Variants in OPRM1 observed in about 807,000 individuals in gnomAD.
OPRM1 encodes the protein mu-type opioid receptor.
OPRM1 carries 27 observed loss-of-function variants against 31.8 expected under a neutral mutation model. The observed-to-expected ratio is 0.85, with a 90% CI of 0.63 to 1.17. The LOEUF (loss-of-function observed/expected upper bound fraction) is 1.17, where lower values mean the gene tolerates loss of function less well. Ranked by LOEUF, OPRM1 falls within the 50% of genes most tolerant of loss-of-function variation. The pLI is 0.00. For synonymous variants in OPRM1, 196 were observed against 189.9 expected, an observed-to-expected ratio of 1.03 and a Z score of -0.26; for missense variants, 536 against 511.1, an observed-to-expected ratio of 1.05 and a Z score of -0.47.
intron 3 of OPRM1, among the ~76,000 whole-genome samples, chr6:154,207,388 C>T (rs1371359612): frequency 1.3e-5 from 2 of 152,158 alleles, no homozygotes; most frequent in African/African-American, 4.8e-5. Context: ...TATATATAGT[C>T]ACTGAGAATT....
downstream of OPRM1, among the ~76,000 whole-genome samples, chr6:154,133,799 G>A (rs564968720): frequency 1.1e-4 from 17 of 152,258 alleles, no homozygotes; most frequent in African/African-American, 3.6e-4. Flanking sequence ...ATCTAGCAGC[G>A]TAAGCCCTCC....
intron 3 of OPRM1, among the ~76,000 whole-genome samples, chr6:154,101,956 T>C (rs1005099445): frequency 1.3e-5 from 2 of 152,186 alleles, no homozygotes; most frequent in African/African-American, 4.8e-5. Context: ...TTTATTTTTT[T>C]GGAGACAGGA....
At chr6:154,100,902 A>G (rs1464763401) in intron 3 of OPRM1, among the ~76,000 whole-genome samples, 2 of 148,400 alleles carry the variant, frequency 1.3e-5, no homozygotes, top group East Asian at 3.9e-4. Flanking sequence ...TGTATATATA[A>G]TCCAGGATTC....
At chr6:154,042,448 T>C (rs1780269624) in intron 1 of OPRM1, among the ~76,000 whole-genome samples, 1 of 152,200 alleles carries the variant, frequency 6.6e-6, no homozygotes, top group Admixed American at 6.5e-5. Context: ...TATTGAATGA[T>C]CAAGTAGTTG....
chr6:154,012,814 C>T (rs917543361), intron 1 of OPRM1, among the ~76,000 whole-genome samples: 4 of 152,006 alleles, frequency 2.6e-5, no homozygotes, highest in African/African-American at 7.2e-5. Context: ...TTCTGGTGAG[C>T]GCTTTCTTCC....
At chr6:154,219,558 G>A (rs1457182102) in intron 3 of OPRM1, among the ~76,000 whole-genome samples, 3 of 152,074 alleles carry the variant, frequency 2.0e-5, no homozygotes, top group South Asian at 2.1e-4. Flanking sequence ...AAGTGCTAGC[G>A]GGCGAGACCT....
At chr6:154,227,973 G>C (rs1779395667) in intron 3 of OPRM1, among the ~76,000 whole-genome samples, 1 of 120,858 alleles carries the variant, frequency 8.3e-6, no homozygotes, top group South Asian at 3.5e-4. Flanking sequence ...AATGGTCCTT[G>C]CTTATTTGAC....
At chr6:154,109,675 G>A (rs1005823099) in intron 3 of OPRM1, among the ~76,000 whole-genome samples, 7 of 152,120 alleles carry the variant, frequency 4.6e-5, no homozygotes, top group Admixed American at 4.6e-4. Context: ...CTATAGACAA[G>A]TGTTAGGAAA....
Position 154,109,792 on chromosome 6 carries a change from C to CTCTCTCTCTGTG in OPRM1, c.1165-8890_1165-8889insCTCTCTCTGTGT, listed in dbSNP as rs1358444421. The stretch of plus-strand genomic sequence containing the variant: ...CCTCTCTCTCTCTCTCTCTCTCTCT[C>CTCTCTCTCTGTG]TGTGTGTGTGTGTGTGTGTGTGTGT... On this transcript the variant is annotated intron_variant, in intron 3 of 3. Transcript: ENST00000330432. 1.4e-3 allele frequency among the ~76,000 whole-genome samples: 143 copies of CTCTCTCTCTGTG among 101,262 alleles called. 1 individual carries two copies. Among genetic ancestry groups the CTCTCTCTCTGTG allele is most frequent in the African/African-American group, 5.0e-3 (131 of 26,308 alleles). The allele number at this position is 101,262 out of a possible 152,430, so 66.4% of individuals were successfully genotyped here.
chr6:154,095,608 C>T (rs1050197662), intron 3 of OPRM1, among the ~76,000 whole-genome samples: 3 of 152,110 alleles, frequency 2.0e-5, no homozygotes, highest in Non-Finnish European at 4.4e-5. Flanking sequence ...ATTTCTAACG[C>T]GTACTTTTGA....
At chr6:154,024,611 A>C (rs965255855) in intron 1 of OPRM1, among the ~76,000 whole-genome samples, 89 of 143,108 alleles carry the variant, frequency 6.2e-4, no homozygotes, top group Non-Finnish European at 4.0e-4. Flanking sequence ...TTGTTTTCCT[A>C]ATTCTTTAAG....
chr6:154,100,325 C>A (rs1312060990), intron 3 of OPRM1, among the ~76,000 whole-genome samples: 3 of 144,498 alleles, frequency 2.1e-5, no homozygotes, highest in Non-Finnish European at 4.5e-5. Context: ...TCATGCAAGC[C>A]CAGTCATCCC....
chr6:154,175,709 C>A (rs1800265436), intron 3 of OPRM1, among the ~76,000 whole-genome samples: 1 of 152,130 alleles, frequency 6.6e-6, no homozygotes, highest in Non-Finnish European at 1.5e-5. Flanking sequence ...AAATCCAGGA[C>A]CAGATGGATT....
rs531880062 is a variant in OPRM1 at position 154,130,926 on chromosome 6, A to T, written c.*12205A>T. Reference sequence around the variant, plus strand: ...TTATGAAAATGTAAAACAATGAGTGATCTTGTTGTTTTCATTTTATTATGT... The same window carrying T: ...TTATGAAAATGTAAAACAATGAGTGTTCTTGTTGTTTTCATTTTATTATGT... On this transcript the variant is annotated 3_prime_UTR_variant, in exon 4 of 4. Transcript: ENST00000330432. Among the ~76,000 whole-genome samples, 14 of 152,230 alleles carry T rather than the reference A, an allele frequency of 9.2e-5. No homozygotes were observed. The East Asian group carries it at 2.5e-3, about 27-fold the overall frequency.
chr6:154,176,088 T>C (rs1257102725), intron 3 of OPRM1, among the ~76,000 whole-genome samples: 1 of 152,180 alleles, frequency 6.6e-6, no homozygotes, highest in Non-Finnish European at 1.5e-5. Context: ...ATTATGTCAA[T>C]AGATGCAGAA....
chr6:154,169,191 T>A (rs1235228276), intron 3 of OPRM1, among the ~76,000 whole-genome samples: 1 of 151,972 alleles, frequency 6.6e-6, no homozygotes, highest in Non-Finnish European at 1.5e-5. Context: ...TAAAACCCGT[T>A]GTCTACTAAA....
chr6:154,201,069 C>T (rs1191828419), intron 3 of OPRM1, among the ~76,000 whole-genome samples: 1 of 152,170 alleles, frequency 6.6e-6, no homozygotes, highest in Non-Finnish European at 1.5e-5. Context: ...CTCACTCTTT[C>T]TGCTGCCACC....
chr6:154,214,119 G>T, intron 3 of OPRM1: 1 of 811,356 alleles, frequency 1.2e-6, no homozygotes, highest in South Asian at 1.4e-5. Flanking sequence ...TGTTTCCTCA[G>T]GATCAGACTA....
chr6:154,222,280 C>T (rs1382506852), intron 3 of OPRM1, among the ~76,000 whole-genome samples: 1 of 152,200 alleles, frequency 6.6e-6, no homozygotes, highest in Non-Finnish European at 1.5e-5. Flanking sequence ...TGTAAATAGC[C>T]AATCCTTTTC....
Sources: allele counts gnomAD v4.1 joint callset (sites outside exome capture counted in the v4.1 genomes callset), GRCh38; gene constraint gnomAD v4.1.1; transcripts MANE v1.5; gene names NCBI Gene and HGNC (gene_info 2026-07-23, HGNC 2026-07-21).